The following DOCK1 variants were observed in gnomAD, a reference collection of about 807,000 sequenced individuals.
DOCK1 encodes the protein dedicator of cytokinesis 1.
In DOCK1, 138 loss-of-function variants were observed where a neutral mutation model predicts 262.7. That is an observed-to-expected ratio of 0.53 (90% CI 0.46 to 0.61). The LOEUF (loss-of-function observed/expected upper bound fraction) is 0.61. Ranked by LOEUF, DOCK1 falls within the 20% of genes least tolerant of loss-of-function variation. The pLI is 0.00. For synonymous variants in DOCK1, 866 were observed against 867.4 expected (o/e 1.00, Z 0.03); for missense variants, 1,908 against 2,370.7 (o/e 0.80, Z 4.05).
At chr10:127,136,109 C>A (rs1431675576) in intron 27 of DOCK1, 1 of 152,290 alleles carries the variant, frequency 6.6e-6, no homozygotes, top group Non-Finnish European at 1.5e-5. Flanking sequence ...TGTGTGTGTG[C>A]ACATGTGTGT....
At chr10:127,394,272 A>G (rs1179167323) in intron 38 of DOCK1, among the ~76,000 whole-genome samples, 1 of 146,112 alleles carries the variant, frequency 6.8e-6, no homozygotes, top group East Asian at 2.1e-4. Flanking sequence ...CCCTGTGACT[A>G]TTTTCAGCTG....
intron 27 of DOCK1, among the ~76,000 whole-genome samples, chr10:127,194,561 A>G (rs1343281851): frequency 1.3e-5 from 2 of 152,230 alleles, no homozygotes; most frequent in East Asian, 3.8e-4. Flanking sequence ...CGTAAGCTTA[A>G]TAAGGGTTAT....
At chr10:127,049,127 G>T (rs767875655) in intron 21 of DOCK1, among the ~76,000 whole-genome samples, 6 of 152,060 alleles carry the variant, frequency 3.9e-5, no homozygotes, top group Non-Finnish European at 7.4e-5. Context: ...AAACATAAAA[G>T]GAAACTTCAA....
At chr10:127,007,619 G>A (rs1460698505) in intron 10 of DOCK1, 1 of 152,222 alleles carries the variant, frequency 6.6e-6, no homozygotes. Flanking sequence ...GGTAGACAGT[G>A]TGTCTGGGTT....
intron 27 of DOCK1, among the ~76,000 whole-genome samples, chr10:127,225,578 C>T (rs1355488707): frequency 6.6e-6 from 1 of 152,240 alleles, no homozygotes; most frequent in African/African-American, 2.4e-5. Context: ...TAATTAACTA[C>T]ACACCAGACT....
intron 23 of DOCK1, among the ~76,000 whole-genome samples, chr10:127,096,921 A>G (rs899064039): frequency 1.3e-5 from 2 of 152,034 alleles, no homozygotes; most frequent in Admixed American, 6.6e-5. Context: ...CCTGGCCAAC[A>G]TGGTGAAACC....
At chr10:127,087,496 C>G (rs1414514485) in intron 23 of DOCK1, among the ~76,000 whole-genome samples, 1 of 151,916 alleles carries the variant, frequency 6.6e-6, no homozygotes, top group Non-Finnish European at 1.5e-5. Flanking sequence ...GAGTGTTGGT[C>G]CCCGGAGCCT....
intron 27 of DOCK1, among the ~76,000 whole-genome samples, chr10:127,169,674 G>A (rs906832949): frequency 1.3e-5 from 2 of 152,158 alleles, no homozygotes; most frequent in Non-Finnish European, 2.9e-5. Context: ...AAGACTGGCT[G>A]TCAATATGTA....
At chr10:127,019,909 G>A (rs1395957119) in intron 13 of DOCK1, among the ~76,000 whole-genome samples, 1 of 152,180 alleles carries the variant, frequency 6.6e-6, no homozygotes, top group Admixed American at 6.5e-5. Context: ...CCTTTTATAG[G>A]CCTGTGCTGT....
intron 29 of DOCK1, among the ~76,000 whole-genome samples, chr10:127,306,905 A>G (rs2061897853): frequency 6.6e-6 from 1 of 152,208 alleles, no homozygotes; most frequent in South Asian, 2.1e-4. Context: ...AAATACTTAC[A>G]TGTATTATGT....
chr10:127,202,050 CG>C (rs1433194919), intron 27 of DOCK1, among the ~76,000 whole-genome samples: 1 of 152,106 alleles, frequency 6.6e-6, no homozygotes, highest in East Asian at 1.9e-4. Flanking sequence ...GAGCCAGGCA[CG>C]GTGGCTTATG....
chr10:126,961,486 T>TCC, intron 1 of DOCK1, among the ~76,000 whole-genome samples: 1 of 151,970 alleles, frequency 6.6e-6, no homozygotes, highest in South Asian at 2.1e-4. Flanking sequence ...AACTCACTCC[T>TCC]TCGTCCTCCC....
At chr10:126,974,098 C>T (rs138383483) in intron 2 of DOCK1, among the ~76,000 whole-genome samples, 10 of 152,226 alleles carry the variant, frequency 6.6e-5, no homozygotes, top group African/African-American at 2.2e-4. Context: ...AGAGCTCATT[C>T]GTGCAGACCC....
At position 127,100,201 on chromosome 10, in the gene DOCK1, A is replaced by G. The variant is rs999870722; in HGVS notation, c.2446-6030A>G. Among the ~76,000 whole-genome samples the G allele has an allele frequency of 6.6e-6, 1 of 152,194 alleles. No individual in the cohort carries two copies. The highest frequency in any genetic ancestry group is 2.4e-5 in the African/African-American group (1 of 41,462). On this transcript the variant is annotated intron_variant, in intron 23 of 51. Coordinates refer to ENST00000623213, the MANE Select transcript of DOCK1 (RefSeq NM_001290223.2). The surrounding 1 kb of genome is among the most constrained non-coding windows in gnomAD (Gnocchi z 5.5). ...CAGTGAGGAGTGTCCTTGAGGGGTC[A>G]GCGTGGAGGCAGGGAGGGCGGGTAG...
At chr10:127,325,582 A>G (rs530705133) in intron 29 of DOCK1, among the ~76,000 whole-genome samples, 10 of 152,118 alleles carry the variant, frequency 6.6e-5, no homozygotes, top group Non-Finnish European at 1.2e-4. Context: ...CCACCATATT[A>G]ACCTGCTTCT....
At chr10:127,163,108 C>T (rs935969803) in intron 27 of DOCK1, among the ~76,000 whole-genome samples, 16 of 152,190 alleles carry the variant, frequency 1.1e-4, no homozygotes, top group Non-Finnish European at 1.9e-4. Context: ...TCTTGCAGAC[C>T]ATGCCACTGT....
chr10:127,451,403 G>T lies in DOCK1; in HGVS notation c.5637G>T (p.Ser1879=), dbSNP rs774009173. The T allele has an allele frequency of 1.3e-6, 2 of 1,589,052 alleles. No individual in the cohort carries two copies. Among genetic ancestry groups the T allele is most frequent in the Admixed American group, 1.8e-5 (1 of 56,760 alleles). Residue 1879 remains serine, a synonymous_variant, in exon 52 of 52, where the codon TCG becomes TCT. Coordinates refer to ENST00000623213, the MANE Select transcript of DOCK1 (RefSeq NM_001290223.2). ...PPPKTTRKQA[S]VDSGIVQ ...CAAAGACAACTCGCAAGCAGGCATC[G>T]GTGGACTCCGGGATCGTGCAGTGAC...
At chr10:127,106,135 T>C in intron 23 of DOCK1, 96 bp from the exon 24 acceptor site, 1 of 1,236,798 alleles carries the variant, frequency 8.1e-7, no homozygotes, top group Admixed American at 2.3e-5. Flanking sequence ...CTTTCTCTTC[T>C]CAGTATTTCT....
At chr10:127,221,293 A>G (rs1359424357) in intron 27 of DOCK1, among the ~76,000 whole-genome samples, 1 of 152,212 alleles carries the variant, frequency 6.6e-6, no homozygotes, top group East Asian at 1.9e-4. Flanking sequence ...CTGAAACTGG[A>G]AATTGCAGAA....
Sources: allele counts gnomAD v4.1 joint callset (sites outside exome capture counted in the v4.1 genomes callset), GRCh38; gene constraint gnomAD v4.1.1; non-coding constraint Gnocchi (gnomAD v3.1); transcripts MANE v1.5; gene names NCBI Gene and HGNC (gene_info 2026-07-23, HGNC 2026-07-21).